Variants in DOCK4 observed in about 807,000 individuals in gnomAD.
DOCK4 encodes dedicator of cytokinesis protein 4.
DOCK4 carries 97 observed loss-of-function variants against 268.1 expected under a neutral mutation model. That is an observed-to-expected ratio of 0.36 (90% confidence interval 0.31 to 0.43). The LOEUF is 0.43. Ranked by LOEUF, DOCK4 falls within the 20% of genes least tolerant of loss-of-function variation. DOCK4 has a pLI of 1.00. For synonymous variants in DOCK4, 954 were observed against 887.2 expected (o/e 1.08, Z -1.34); for missense variants, 2,145 against 2,455.7 (o/e 0.87, Z 2.67).
chr7:111,772,208 A>C (rs954747604), intron 36 of DOCK4, among the ~76,000 whole-genome samples: 1 of 151,926 alleles, frequency 6.6e-6, no homozygotes, highest in African/African-American at 2.4e-5. Flanking sequence ...CAAGAGTTTA[A>C]GATCAGCCTT....
At position 111,728,412 on chromosome 7, in the gene DOCK4, G is replaced by A. The variant is rs1418481869; in HGVS notation, c.5790C>T (p.Ser1930=). 1 of 1,574,536 alleles carries A rather than the reference G, an allele frequency of 6.4e-7. No homozygotes were observed. The highest frequency in any genetic ancestry group is 1.3e-5 in the African/African-American group (1 of 74,428). The part of the protein sequence containing the change: ...RRPVPLPHSL[S]IPVTSEPPAL... ...CGGGCGGCTCCGACGTGACGGGGAT[G>A]GAGAGGCTGTGAGGTAGCGGGACGG... The change falls in exon 53 of 53, where the codon TCC becomes TCT. Residue 1930 remains serine (S), a synonymous_variant. Transcript: ENST00000428084.
chr7:111,877,840 A>G (rs1167350869), intron 16 of DOCK4, among the ~76,000 whole-genome samples: 1 of 152,204 alleles, frequency 6.6e-6, no homozygotes, highest in Non-Finnish European at 1.5e-5. Context: ...AAACCAGCAG[A>G]ATTGTTGAAG....
chr7:112,089,146 T>C (rs1809392485), intron 1 of DOCK4, among the ~76,000 whole-genome samples: 1 of 152,146 alleles, frequency 6.6e-6, no homozygotes, highest in African/African-American at 2.4e-5. Flanking sequence ...AAGTTCTTTT[T>C]ACTGTGGCTG....
intron 19 of DOCK4, 24 bp downstream of exon 19, chr7:111,872,245 A>G (rs1806490183): frequency 1.3e-6 from 2 of 1,482,134 alleles, no homozygotes; most frequent in Admixed American, 2.2e-5. Flanking sequence ...CAGTTAAAAT[A>G]CAATTAAGGG....
chr7:112,003,153 G>C (rs1426043995), intron 2 of DOCK4, among the ~76,000 whole-genome samples: 3 of 152,142 alleles, frequency 2.0e-5, no homozygotes, highest in Non-Finnish European at 4.4e-5. Flanking sequence ...GGTCAAGGTG[G>C]AAGGATCACT....
At chr7:112,085,687 T>C (rs746489597) in intron 1 of DOCK4, among the ~76,000 whole-genome samples, 20 of 152,178 alleles carry the variant, frequency 1.3e-4, no homozygotes, top group Admixed American at 1.3e-3. Flanking sequence ...AGATAAATAA[T>C]GGATCTTGAC....
chr7:112,134,986 C>CAT (rs902873800), intron 1 of DOCK4, among the ~76,000 whole-genome samples: 18 of 151,966 alleles, frequency 1.2e-4, no homozygotes, highest in Non-Finnish European at 2.6e-4. Flanking sequence ...ACCATTAAAA[C>CAT]ATATATGTGT....
At chr7:112,177,542 A>T in intron 1 of DOCK4, among the ~76,000 whole-genome samples, 1 of 152,212 alleles carries the variant, frequency 6.6e-6, no homozygotes, top group Admixed American at 6.5e-5. Context: ...GTTTCCTCAC[A>T]TCATTCCTCA....
chr7:111,870,686 G>A (rs1806351472), intron 20 of DOCK4, among the ~76,000 whole-genome samples: 1 of 152,140 alleles, frequency 6.6e-6, no homozygotes, highest in Non-Finnish European at 1.5e-5. Flanking sequence ...AGAATACTTG[G>A]ATGTGCCAGT....
At chr7:111,905,018 T>G (rs1791445062) in intron 13 of DOCK4, among the ~76,000 whole-genome samples, 1 of 152,178 alleles carries the variant, frequency 6.6e-6, no homozygotes, top group Non-Finnish European at 1.5e-5. Flanking sequence ...AGAGAATACA[T>G]GACAAGAAGA....
intron 44 of DOCK4, among the ~76,000 whole-genome samples, chr7:111,745,717 A>G (rs980757472): frequency 7.5e-6 from 1 of 132,974 alleles, no homozygotes. Context: ...AAAAGTTGGC[A>G]TCAAGCCTAC....
chr7:111,898,429 T>G (rs1278289241), intron 15 of DOCK4, among the ~76,000 whole-genome samples: 3 of 152,254 alleles, frequency 2.0e-5, no homozygotes, highest in Non-Finnish European at 4.4e-5. Flanking sequence ...ACTCCCTAGC[T>G]GCAATTTAAG....
At chr7:112,011,270 T>C (rs1313703318) in intron 1 of DOCK4, among the ~76,000 whole-genome samples, 4 of 152,194 alleles carry the variant, frequency 2.6e-5, no homozygotes, top group Non-Finnish European at 5.9e-5. Flanking sequence ...CTGGGGTGAA[T>C]CCCGAGAGGA....
At chr7:111,960,338 T>C (rs775428624) in intron 8 of DOCK4, among the ~76,000 whole-genome samples, 61 of 147,534 alleles carry the variant, frequency 4.1e-4, no homozygotes, top group Non-Finnish European at 3.9e-4. Context: ...CACTCCAGCC[T>C]GGGCAACAGA....
chr7:111,733,639 C>T (rs1186416222), intron 51 of DOCK4, among the ~76,000 whole-genome samples: 1 of 152,156 alleles, frequency 6.6e-6, no homozygotes, highest in East Asian at 1.9e-4. Flanking sequence ...ATGGTGGCCC[C>T]TGCAACCACA....
intron 12 of DOCK4, among the ~76,000 whole-genome samples, chr7:111,917,864 A>T (rs545724890): frequency 1.2e-4 from 18 of 152,216 alleles, no homozygotes; most frequent in Non-Finnish European, 2.1e-4. Flanking sequence ...GACTTACAGT[A>T]TGATAATGCT....
intron 31 of DOCK4, chr7:111,789,034 A>C (rs1486454345): frequency 4.6e-6 from 2 of 430,522 alleles, no homozygotes; most frequent in Non-Finnish European, 8.4e-6. Flanking sequence ...TAAACGTTTG[A>C]ATTCTTTTTT....
At chr7:111,985,530 T>G (rs1798986061) in intron 6 of DOCK4, among the ~76,000 whole-genome samples, 1 of 152,180 alleles carries the variant, frequency 6.6e-6, no homozygotes, top group Non-Finnish European at 1.5e-5. Flanking sequence ...TAAGGTTTCA[T>G]AAGTAAAATT....
intron 30 of DOCK4, among the ~76,000 whole-genome samples, 176 bp from the exon 31 acceptor site, chr7:111,790,781 T>G (rs1277117117): frequency 6.6e-6 from 1 of 151,970 alleles, no homozygotes; most frequent in Non-Finnish European, 1.5e-5. Context: ...ATAAATCGGC[T>G]GGGTGCAGTG....
Sources: allele counts gnomAD v4.1 joint callset (sites outside exome capture counted in the v4.1 genomes callset), GRCh38; gene constraint gnomAD v4.1.1; transcripts MANE v1.5; gene names NCBI Gene and HGNC (gene_info 2026-07-23, HGNC 2026-07-21).